ABCA13: variants seen among roughly 807,000 people sequenced by gnomAD.
ABCA13 encodes the protein ATP binding cassette subfamily A member 13.
Under a neutral mutation model 478.7 loss-of-function variants are expected in ABCA13, and 476 were observed. That is an observed-to-expected ratio of 0.99 (90% confidence interval 0.92 to 1.07). ABCA13 has a LOEUF of 1.07. Among genes scored for constraint, ABCA13 ranks in the 50% least tolerant of loss-of-function variants. ABCA13 has a pLI of 0.00. For synonymous variants in ABCA13, 2,252 were observed against 2,158.9 expected (o/e 1.04, Z -1.20); for missense variants, 6,060 against 5,910.6 (o/e 1.03, Z -0.83).
intron 35 of ABCA13, among the ~76,000 whole-genome samples, chr7:48,382,765 T>G (rs1050432589): frequency 1.7e-5 from 2 of 120,784 alleles, no homozygotes; most frequent in African/African-American, 6.4e-5. Context: ...CTCAATGATT[T>G]TTTTTTTTTT....
chr7:48,318,200 G>A (rs1802866515), intron 27 of ABCA13, among the ~76,000 whole-genome samples: 2 of 152,132 alleles, frequency 1.3e-5, no homozygotes. Context: ...TCATGCTTCT[G>A]ACCCATGGTT....
rs1352497441 is a variant in ABCA13 at position 48,290,942 on chromosome 7, A to G, written c.8955+2864A>G. On this transcript the variant is annotated intron_variant, in intron 20 of 61. Coordinates refer to ENST00000435803, the MANE Select transcript of ABCA13 (RefSeq NM_152701.5). ...GTTTAGAGAGCTTCACACTCAGGGA[A>G]AAAAAAAAAAAAAAAAAAAAAAAAA... 8.2e-4 allele frequency among the ~76,000 whole-genome samples: 26 copies of G among 31,618 alleles called. 1 individual carries two copies. In the East Asian group the frequency reaches 0.013, roughly 16 times the overall value. The allele number at this position is 31,618 out of a possible 152,430, so 20.7% of individuals were successfully genotyped here.
At chr7:48,264,338 AG>A (rs1794594919) in intron 15 of ABCA13, among the ~76,000 whole-genome samples, 1 of 151,890 alleles carries the variant, frequency 6.6e-6, no homozygotes, top group Non-Finnish European at 1.5e-5. Flanking sequence ...TTGTATGCTT[AG>A]CCTTTTACAA....
chr7:48,271,771 T>C lies in ABCA13; in HGVS notation c.2121-16T>C. On this transcript the variant is annotated splice_polypyrimidine_tract_variant and intron_variant, in intron 16 of 61. Transcript: ENST00000435803. ...TTTTTTTATTTTATACTAAAATAAT[T>C]CTATTAATATTACAGGGCTTTAAAT... The C allele has an allele frequency of 7.7e-7, 1 of 1,290,600 alleles. No individual in the cohort carries two copies. The highest frequency in any genetic ancestry group is 3.5e-5 in the Admixed American group (1 of 28,966). 79.9% of individuals were successfully genotyped at this position (1,290,600 alleles called of 1,614,324 possible). A position where few individuals can be genotyped will look rare whatever the true frequency, so the allele number is the denominator to read the frequency against.
rs144709435 is a variant in ABCA13 at position 48,541,057 on chromosome 7, A to C, written c.14354+12712A>C. ...TGATCAACACAGTTGAGAAGCAGGC[A>C]TAAGAATAAATAATTATTTGACTTA... On this transcript the variant is annotated intron_variant, in intron 55 of 61. Transcript: ENST00000435803. Among the ~76,000 whole-genome samples the C allele has an allele frequency of 6.2e-3, 945 of 152,260 alleles. 10 individuals are homozygous for C. Among genetic ancestry groups the C allele is most frequent in the African/African-American group, 0.022 (901 of 41,572 alleles).
chr7:48,520,141 A>C lies in ABCA13; in HGVS notation c.13898A>C (p.Lys4633Thr). 6.2e-7 allele frequency: 1 copy of C among 1,613,804 alleles called. No homozygotes were observed. Among genetic ancestry groups the C allele is most frequent in the Non-Finnish European group, 8.5e-7 (1 of 1,179,808 alleles). The stretch of plus-strand genomic sequence containing the variant: ...GTAGAACTCTGCTATAATCAGATCA[A>C]ATATGACCTGACCCACAACTTCGGC... Reference protein sequence around the residue: ...GLVELCYNQIKYDLTHNFGID... With the variant: ...GLVELCYNQITYDLTHNFGID... Residue 4633 changes from lysine to threonine, a missense_variant, in exon 53 of 62, where the codon AAA becomes ACA. By Grantham distance (78) the Lys-to-Thr change is moderately conservative. This residue lies in a region of ABCA13 where 1,627 missense variants were observed against 1,571.0 expected (regional missense o/e 1.04). Coordinates refer to ENST00000435803, the MANE Select transcript of ABCA13 (RefSeq NM_152701.5).
At chr7:48,208,917 A>AAATAT (rs1465873716) in intron 3 of ABCA13, among the ~76,000 whole-genome samples, 1 of 152,094 alleles carries the variant, frequency 6.6e-6, no homozygotes, top group Non-Finnish European at 1.5e-5. Flanking sequence ...TCCCCTGTTC[A>AAATAT]GTATGCTAGT....
chr7:48,639,612 G>A (rs1794958467), intron 59 of ABCA13, among the ~76,000 whole-genome samples: 1 of 152,192 alleles, frequency 6.6e-6, no homozygotes, highest in Non-Finnish European at 1.5e-5. Flanking sequence ...GATATGTGTA[G>A]GGAATAGCAC....
At chr7:48,522,275 G>C (rs1451937797) in intron 53 of ABCA13, among the ~76,000 whole-genome samples, 1 of 152,164 alleles carries the variant, frequency 6.6e-6, no homozygotes, top group East Asian at 1.9e-4. Context: ...CTGGACATGA[G>C]TGCTGAGATC....
Position 48,427,846 on chromosome 7 carries a change from G to T in ABCA13, c.12540G>T (p.Arg4180Ser). 2 of 1,608,418 alleles carry T rather than the reference G, an allele frequency of 1.2e-6. No individual in the cohort carries two copies. Among genetic ancestry groups the T allele is most frequent in the Non-Finnish European group, 8.5e-7 (1 of 1,178,090 alleles). Reference sequence around the variant, plus strand: ...CTGAGTCAGAGCTGCAGAACCACAGGCCTACAGGACATCTGTCTGGCTACT... The same window carrying T: ...CTGAGTCAGAGCTGCAGAACCACAGTCCTACAGGACATCTGTCTGGCTACT... ...LGTESELQNH[R>S]PTGHLSGYCG... The change falls in exon 42 of 62, where the codon AGG becomes AGT. Residue 4180 changes from arginine (R) to serine (S), a missense_variant. Physicochemically the swap from Arg to Ser is moderately radical, Grantham distance 110 (BLOSUM62 -1). This residue lies in a region of ABCA13 where 1,627 missense variants were observed against 1,571.0 expected (regional missense o/e 1.04). Coordinates refer to ENST00000435803, the MANE Select transcript of ABCA13 (RefSeq NM_152701.5).
chr7:48,455,942 C>T (rs907931904), intron 43 of ABCA13, among the ~76,000 whole-genome samples: 16 of 150,828 alleles, frequency 1.1e-4, no homozygotes, highest in African/African-American at 3.6e-4. Flanking sequence ...CCCTAAGTTC[C>T]TTTGCCTTAG....
intron 55 of ABCA13, among the ~76,000 whole-genome samples, chr7:48,535,445 G>T (rs1453137981): frequency 1.3e-5 from 2 of 152,202 alleles, no homozygotes; most frequent in Admixed American, 6.5e-5. Context: ...AGGTTCCTTG[G>T]TTGTATTTTT....
intron 55 of ABCA13, among the ~76,000 whole-genome samples, chr7:48,558,437 C>G (rs1786095637): frequency 1.3e-5 from 2 of 151,684 alleles, no homozygotes; most frequent in Non-Finnish European, 2.9e-5. Context: ...ACTGGGATTA[C>G]AGGTGCACAC....
At chr7:48,310,827 C>T (rs926386673) in intron 24 of ABCA13, among the ~76,000 whole-genome samples, 4 of 152,280 alleles carry the variant, frequency 2.6e-5, no homozygotes, top group South Asian at 2.1e-4. Context: ...ACTTTCCGGA[C>T]GGGCCCAGAA....
At position 48,179,655 on chromosome 7, in the gene ABCA13, C is replaced by T. The variant is rs529714082; in HGVS notation, c.69+8103C>T. ...AGCCAGGAGGCACGGTGCTCTGTCCCGGAGCCACAGAATGATGTCAGCTCA... is the reference window on the plus strand; with the variant it reads ...AGCCAGGAGGCACGGTGCTCTGTCCTGGAGCCACAGAATGATGTCAGCTCA... On this transcript the variant is annotated intron_variant, in intron 1 of 61. Transcript: ENST00000435803. Among the ~76,000 whole-genome samples, 22 of 152,208 alleles carry T rather than the reference C, an allele frequency of 1.4e-4. No individual in the cohort carries two copies. In the East Asian group the frequency reaches 1.9e-3, roughly 13 times the overall value.
chr7:48,242,203 G>A (rs1790942879), intron 10 of ABCA13, among the ~76,000 whole-genome samples: 1 of 151,860 alleles, frequency 6.6e-6, no homozygotes, highest in Admixed American at 6.6e-5. Context: ...TGGCACTTTA[G>A]CCTAGGATTT....
chr7:48,501,031 C>T (rs1421806225), intron 48 of ABCA13, among the ~76,000 whole-genome samples: 1 of 152,188 alleles, frequency 6.6e-6, no homozygotes, highest in Non-Finnish European at 1.5e-5. Context: ...CTATTTGACC[C>T]TTGGTGAAAC....
chr7:48,473,124 G>T (rs1827691445), intron 45 of ABCA13, among the ~76,000 whole-genome samples: 1 of 152,076 alleles, frequency 6.6e-6, no homozygotes, highest in Non-Finnish European at 1.5e-5. Flanking sequence ...GAACAATAAG[G>T]GGGAACCACC....
chr7:48,609,801 C>G (rs1469309215), intron 58 of ABCA13, among the ~76,000 whole-genome samples: 1 of 152,058 alleles, frequency 6.6e-6, no homozygotes, highest in Non-Finnish European at 1.5e-5. Context: ...GGGGAAGGTG[C>G]TACACATTTG....
Sources: allele counts gnomAD v4.1 joint callset (sites outside exome capture counted in the v4.1 genomes callset), GRCh38; gene constraint gnomAD v4.1.1; regional missense constraint gnomAD v4.1.1; transcripts MANE v1.5; gene names NCBI Gene and HGNC (gene_info 2026-07-23, HGNC 2026-07-21).